RABGAP1L: variants seen among roughly 807,000 people sequenced by gnomAD.
The protein encoded by RABGAP1L is rab GTPase-activating protein 1-like.
In RABGAP1L, 63 loss-of-function variants were observed where a neutral mutation model predicts 137.7. The ratio of observed to expected loss-of-function variants is 0.46; its 90% confidence interval spans 0.37 to 0.56. RABGAP1L has a LOEUF of 0.56. Ranked by LOEUF, RABGAP1L falls within the 20% of genes least tolerant of loss-of-function variation. The pLI is 0.00. For missense variants in RABGAP1L, 1,095 were observed against 1,244.0 expected (o/e 0.88, Z 1.80); for synonymous variants, 431 against 433.7 (o/e 0.99, Z 0.08).
At chr1:174,658,393 C>T (rs913287061) in intron 14 of RABGAP1L, among the ~76,000 whole-genome samples, 1 of 152,116 alleles carries the variant, frequency 6.6e-6, no homozygotes, top group African/African-American at 2.4e-5. Context: ...CAATTCCAAT[C>T]CAACAGCAGA....
In RABGAP1L at chr1:174,447,499, C is replaced by T. The variant is rs898825021; in HGVS notation, c.1710+53354C>T. Among the ~76,000 whole-genome samples the T allele has an allele frequency of 8.5e-5, 13 of 152,064 alleles. 1 individual carries two copies. The highest frequency in any genetic ancestry group is 5.2e-4 in the Admixed American group (8 of 15,272). On this transcript the variant is annotated intron_variant, in intron 13 of 25. Transcript: ENST00000681986. ...TCAATCCCTGAACTAAGCCCAAAGA[C>T]ACTCTTTGCCACAATGAACTTTTTC...
At chr1:174,570,628 C>T (rs1667903783) in intron 13 of RABGAP1L, among the ~76,000 whole-genome samples, 1 of 152,004 alleles carries the variant, frequency 6.6e-6, no homozygotes, top group Non-Finnish European at 1.5e-5. Flanking sequence ...GTGCAATATA[C>T]TCATGTAACA....
At chr1:174,582,758 G>A (rs1454335003) in intron 13 of RABGAP1L, among the ~76,000 whole-genome samples, 2 of 152,130 alleles carry the variant, frequency 1.3e-5, no homozygotes, top group Non-Finnish European at 2.9e-5. Context: ...TTTAAAGATA[G>A]GATATTGTTA....
chr1:174,712,774 G>C (rs1558008878), intron 17 of RABGAP1L, among the ~76,000 whole-genome samples: 2 of 152,114 alleles, frequency 1.3e-5, no homozygotes, highest in East Asian at 3.9e-4. Flanking sequence ...TTTATTTATT[G>C]ACTTACTTAC....
At chr1:174,755,063 A>C (rs2148683990) in intron 18 of RABGAP1L, among the ~76,000 whole-genome samples, 1 of 152,364 alleles carries the variant, frequency 6.6e-6, no homozygotes, top group South Asian at 2.1e-4. Context: ...TTGAGAGATC[A>C]AAGCTCAAGA....
intron 5 of RABGAP1L, chr1:174,245,000 T>C (rs1021908739): frequency 6.6e-6 from 1 of 152,194 alleles, no homozygotes; most frequent in Non-Finnish European, 1.5e-5. Flanking sequence ...AAGATACTTA[T>C]TCTTATTGCA....
intron 19 of RABGAP1L, among the ~76,000 whole-genome samples, chr1:174,899,619 C>G (rs563858173): frequency 2.5e-4 from 38 of 152,258 alleles, no homozygotes; most frequent in African/African-American, 9.2e-4. Context: ...AACAGAGTAT[C>G]CTCATCCATC....
chr1:174,732,073 G>A (rs764203173), intron 17 of RABGAP1L, among the ~76,000 whole-genome samples: 11 of 152,078 alleles, frequency 7.2e-5, no homozygotes, highest in African/African-American at 9.7e-5. Context: ...GTTGTGGCGC[G>A]TGCCTGTAGT....
At chr1:174,833,424 A>C (rs199883151) in intron 19 of RABGAP1L, among the ~76,000 whole-genome samples, 1 of 47,830 alleles carries the variant, frequency 2.1e-5, no homozygotes, top group African/African-American at 4.2e-5. Flanking sequence ...GTGTGTGTGT[A>C]TATATATATG....
intron 1 of RABGAP1L, among the ~76,000 whole-genome samples, chr1:174,168,624 A>G (rs555406792): frequency 1.4e-4 from 21 of 152,248 alleles, no homozygotes; most frequent in Non-Finnish European, 2.8e-4. Context: ...ATGGTAATTC[A>G]GTTAATGTCT....
intron 13 of RABGAP1L, among the ~76,000 whole-genome samples, chr1:174,575,875 A>G (rs1668337257): frequency 6.6e-6 from 1 of 152,144 alleles, no homozygotes; most frequent in Non-Finnish European, 1.5e-5. Flanking sequence ...CACTGGATAT[A>G]CCAGCATTTA....
chr1:174,231,124 T>C, intron 3 of RABGAP1L, 21 bp from the exon 4 acceptor site: 1 of 1,564,260 alleles, frequency 6.4e-7, no homozygotes, highest in Non-Finnish European at 8.8e-7. Flanking sequence ...CTTTTGAGTG[T>C]TTCTTTTTTT....
intron 11 of RABGAP1L, among the ~76,000 whole-genome samples, chr1:174,317,207 C>T (rs892912059): frequency 6.6e-6 from 1 of 151,800 alleles, no homozygotes; most frequent in African/African-American, 2.4e-5. Flanking sequence ...TTTTCTCAAG[C>T]AGAAGGAGTT....
At chr1:174,767,616 C>G (rs988634637) in intron 18 of RABGAP1L, among the ~76,000 whole-genome samples, 2 of 151,898 alleles carry the variant, frequency 1.3e-5, no homozygotes, top group Non-Finnish European at 2.9e-5. Flanking sequence ...CTCCGCCTCC[C>G]AGGTTAAATA....
chr1:174,219,042 T>C (rs1669553727), intron 1 of RABGAP1L, 83 bp from the exon 2 acceptor site: 5 of 1,084,518 alleles, frequency 4.6e-6, no homozygotes, highest in Non-Finnish European at 6.6e-6. Flanking sequence ...AAACCATTTT[T>C]AAAGCTTTAT....
At chr1:174,423,325 A>G (rs567697228) in intron 13 of RABGAP1L, among the ~76,000 whole-genome samples, 1 of 152,294 alleles carries the variant, frequency 6.6e-6, no homozygotes, top group Admixed American at 6.5e-5. Context: ...TTGTGTCTTT[A>G]GACTGCATCT....
chr1:174,397,531 G>T (rs1311772011), intron 13 of RABGAP1L, among the ~76,000 whole-genome samples: 1 of 152,096 alleles, frequency 6.6e-6, no homozygotes. Context: ...ACAGCAGGAT[G>T]TTCAGTCTTC....
At chr1:174,917,277 A>G (rs1266885278) in intron 19 of RABGAP1L, among the ~76,000 whole-genome samples, 1 of 152,186 alleles carries the variant, frequency 6.6e-6, no homozygotes, top group Non-Finnish European at 1.5e-5. Flanking sequence ...CACTTAGAGG[A>G]AATTGGCAGG....
In RABGAP1L at chr1:174,794,556, A is replaced by G. The variant is rs532158073; in HGVS notation, c.2212-17276A>G. Among the ~76,000 whole-genome samples the G allele has an allele frequency of 2.0e-5, 3 of 152,342 alleles. 1 individual carries two copies. Among genetic ancestry groups the G allele is most frequent in the African/African-American group, 7.2e-5 (3 of 41,574 alleles). On this transcript the variant is annotated intron_variant, in intron 18 of 25. Transcript: ENST00000681986. ...TTGCCATACAGAAGCTCAGAGGGCT[A>G]AGTAACTTATTCATGTCATACAGCT...
Sources: allele counts gnomAD v4.1 joint callset (sites outside exome capture counted in the v4.1 genomes callset), GRCh38; gene constraint gnomAD v4.1.1; transcripts MANE v1.5; gene names NCBI Gene and HGNC (gene_info 2026-07-23, HGNC 2026-07-21).